Variants in WWOX observed in about 807,000 individuals in gnomAD.
WWOX encodes the protein WW domain containing oxidoreductase.
A neutral mutation model predicts 46.2 loss-of-function variants in WWOX; 69 were observed. The observed-to-expected ratio is 1.49, with a 90% CI of 1.23 to 1.82. The LOEUF (loss-of-function observed/expected upper bound fraction) is 1.82. Ranked by LOEUF, WWOX falls within the 40% of genes most tolerant of loss-of-function variation. The probability of loss-of-function intolerance (pLI) is 0.00; values close to 1 mark genes in which losing one functional copy is unlikely to be tolerated. For synonymous variants in WWOX, 359 were observed against 202.6 expected (o/e 1.77, Z -6.56); for missense variants, 919 against 542.6 (o/e 1.69, Z -6.89).
intron 8 of WWOX, among the ~76,000 whole-genome samples, chr16:78,968,324 C>T (rs898548320): frequency 5.3e-5 from 8 of 152,168 alleles, no homozygotes; most frequent in Non-Finnish European, 8.8e-5. Flanking sequence ...CTGTCACCAC[C>T]GACCCGAGGC....
At chr16:78,466,145 C>A (rs1380989693) in intron 8 of WWOX, among the ~76,000 whole-genome samples, 1 of 152,010 alleles carries the variant, frequency 6.6e-6, no homozygotes. Flanking sequence ...CATTCTCCTG[C>A]CTCAGCCTTC....
chr16:78,318,305 A>G (rs1481941635), intron 5 of WWOX, among the ~76,000 whole-genome samples: 1 of 117,330 alleles, frequency 8.5e-6, no homozygotes. Context: ...ATCTGTGTTT[A>G]CAGTTCTAGA....
rs74944733 is a variant in WWOX at position 78,386,890 on chromosome 16, G to A, written c.547G>A (p.Asp183Asn). Reference protein sequence around the residue: ...HKAKVEAMTLDLALLRSVQHF... With the variant: ...HKAKVEAMTLNLALLRSVQHF... ...AGCCAAGGTAGAAGCAATGACCCTG[G>A]ACCTCGCTCTGCTCCGTAGCGTGCA... Residue 183 changes from aspartate (D) to asparagine (N), a missense_variant, in exon 6 of 9, where the codon GAC becomes AAC. Physicochemically the swap from Asp to Asn is conservative, Grantham distance 23 (BLOSUM62 1). Coordinates refer to ENST00000566780, the MANE Select transcript of WWOX (RefSeq NM_016373.4). The A allele has an allele frequency of 4.1e-3, 6,573 of 1,614,010 alleles. 232 individuals are homozygous for A. The African/African-American group carries it at 0.076, about 19-fold the overall frequency.
chr16:78,832,723 G>C (rs2051865699), intron 8 of WWOX, among the ~76,000 whole-genome samples: 1 of 152,174 alleles, frequency 6.6e-6, no homozygotes, highest in African/African-American at 2.4e-5. Flanking sequence ...GACAACCCAA[G>C]GGAATCATGT....
chr16:78,741,955 A>G (rs907006126), intron 8 of WWOX, among the ~76,000 whole-genome samples: 4 of 152,178 alleles, frequency 2.6e-5, no homozygotes, highest in South Asian at 2.1e-4. Flanking sequence ...TCCACATTTA[A>G]CTGGACATTA....
intron 8 of WWOX, among the ~76,000 whole-genome samples, chr16:78,868,284 C>G (rs944522468): frequency 6.6e-6 from 1 of 151,982 alleles, no homozygotes; most frequent in East Asian, 1.9e-4. Flanking sequence ...CATAAAAGAC[C>G]ACATAGTATA....
In WWOX at chr16:78,542,879, C is replaced by G. The variant is rs1346137621; in HGVS notation, c.1056+110127C>G. Among the ~76,000 whole-genome samples the G allele has an allele frequency of 3.3e-5, 5 of 152,268 alleles. No individual in the cohort carries two copies. The East Asian group carries it at 7.7e-4, about 24-fold the overall frequency. On this transcript the variant is annotated intron_variant, in intron 8 of 8. Coordinates refer to ENST00000566780, the MANE Select transcript of WWOX (RefSeq NM_016373.4). ...CCCAAACGACGGGCCTGGGGGTTGT[C>G]ACAATGTGATCCCTGAGGATGTTAG...
intron 8 of WWOX, among the ~76,000 whole-genome samples, chr16:78,449,561 G>A (rs978369284): frequency 2.6e-5 from 4 of 152,070 alleles, no homozygotes; most frequent in African/African-American, 9.7e-5. Context: ...CATTTATTAC[G>A]GATAAGTTTG....
intron 8 of WWOX, among the ~76,000 whole-genome samples, chr16:78,736,685 A>C (rs1161441408): frequency 1.3e-5 from 2 of 152,024 alleles, no homozygotes; most frequent in Non-Finnish European, 2.9e-5. Context: ...GCAGCCTCAA[A>C]CTTCTAGGCT....
chr16:79,211,557 C>T, intron 8 of WWOX, 51 bp from the exon 9 acceptor site: 1 of 1,612,310 alleles, frequency 6.2e-7, no homozygotes, highest in Non-Finnish European at 8.5e-7. Context: ...GACGCCATCT[C>T]ATCACTCCTT....
At chr16:78,791,447 C>G (rs769235870) in intron 8 of WWOX, among the ~76,000 whole-genome samples, 5 of 152,106 alleles carry the variant, frequency 3.3e-5, no homozygotes, top group Admixed American at 6.5e-5. Flanking sequence ...GGAGACTGTT[C>G]CAGGGCTGGC....
intron 8 of WWOX, among the ~76,000 whole-genome samples, chr16:79,010,689 A>G (rs1360832197): frequency 6.6e-6 from 1 of 152,104 alleles, no homozygotes; most frequent in Admixed American, 6.6e-5. Context: ...TGGTCAAGGA[A>G]GGCTTCCAGG....
intron 5 of WWOX, among the ~76,000 whole-genome samples, chr16:78,193,146 A>G (rs1020253171): frequency 8.5e-5 from 13 of 152,220 alleles, no homozygotes; most frequent in African/African-American, 2.9e-4. Flanking sequence ...GTTGTACCTC[A>G]TGTGTGCGTC....
intron 8 of WWOX, among the ~76,000 whole-genome samples, chr16:79,166,899 C>G (rs983809562): frequency 2.6e-5 from 4 of 152,088 alleles, no homozygotes; most frequent in African/African-American, 4.8e-5. Context: ...AGACATTAAG[C>G]TAAGTATACA....
chr16:78,755,117 A>T (rs562726727), intron 8 of WWOX, among the ~76,000 whole-genome samples: 3 of 151,822 alleles, frequency 2.0e-5, no homozygotes, highest in African/African-American at 7.3e-5. Flanking sequence ...TAAAACCTAG[A>T]TGACGGGTTG....
chr16:78,921,279 G>A (rs2045372596), intron 8 of WWOX, among the ~76,000 whole-genome samples: 1 of 152,212 alleles, frequency 6.6e-6, no homozygotes, highest in Admixed American at 6.5e-5. Flanking sequence ...ACGTCAAAAT[G>A]CCGCATTTAT....
chr16:78,587,224 C>G (rs927611768), intron 8 of WWOX, among the ~76,000 whole-genome samples: 2 of 94,934 alleles, frequency 2.1e-5, no homozygotes, highest in Non-Finnish European at 4.0e-5. Context: ...TTTGTAGAAA[C>G]AGAGTCTCTC....
intron 4 of WWOX, among the ~76,000 whole-genome samples, chr16:78,138,929 C>G (rs997720676): frequency 7.9e-5 from 12 of 152,178 alleles, no homozygotes; most frequent in Admixed American, 5.2e-4. Flanking sequence ...TCTTGCAACT[C>G]CTAACATTTG....
chr16:79,084,464 A>C (rs571988705), intron 8 of WWOX, among the ~76,000 whole-genome samples: 36 of 152,180 alleles, frequency 2.4e-4, no homozygotes, highest in Non-Finnish European at 4.3e-4. Context: ...TCTGTTGCCC[A>C]GGGTAGAGTG....
Sources: allele counts gnomAD v4.1 joint callset (sites outside exome capture counted in the v4.1 genomes callset), GRCh38; gene constraint gnomAD v4.1.1; transcripts MANE v1.5; gene names NCBI Gene and HGNC (gene_info 2026-07-23, HGNC 2026-07-21).